Variants in CORIN observed in about 807,000 individuals in gnomAD.
The protein encoded by CORIN is atrial natriuretic peptide-converting enzyme.
CORIN carries 117 observed loss-of-function variants against 125.3 expected under a neutral mutation model. The ratio of observed to expected loss-of-function variants is 0.93; its 90% CI spans 0.80 to 1.09. CORIN has a LOEUF of 1.09. Ranked by LOEUF, CORIN falls within the 50% of genes least tolerant of loss-of-function variation. The pLI is 0.00. For synonymous variants in CORIN, 450 were observed against 466.4 expected, an observed-to-expected ratio of 0.96 and a Z score of 0.45; for missense variants, 1,253 against 1,306.7, an observed-to-expected ratio of 0.96 and a Z score of 0.63.
chr4:47,628,275 A>T (rs1722662273), intron 16 of CORIN, among the ~76,000 whole-genome samples: 1 of 152,138 alleles, frequency 6.6e-6, no homozygotes, highest in Admixed American at 6.5e-5. Context: ...GCATCTCCAT[A>T]ACTTCAATTT....
At chr4:47,836,021 T>C (rs1029545341) in intron 1 of CORIN, among the ~76,000 whole-genome samples, 1 of 152,136 alleles carries the variant, frequency 6.6e-6, no homozygotes, top group Non-Finnish European at 1.5e-5. Context: ...AAAAATGCCT[T>C]ATAGAATCTT....
chr4:47,764,541 G>T (rs563575325), intron 3 of CORIN, among the ~76,000 whole-genome samples: 1 of 151,936 alleles, frequency 6.6e-6, no homozygotes, highest in Non-Finnish European at 1.5e-5. Flanking sequence ...ATTCACAATC[G>T]CCTCAGTTTC....
chr4:47,810,439 G>T (rs1732016990), intron 1 of CORIN, among the ~76,000 whole-genome samples: 1 of 152,214 alleles, frequency 6.6e-6, no homozygotes, highest in Middle Eastern at 3.4e-3. Flanking sequence ...CCCACCTCAA[G>T]CTTCCAAATG....
At chr4:47,713,926 G>A (rs1030131732) in intron 5 of CORIN, among the ~76,000 whole-genome samples, 5 of 151,774 alleles carry the variant, frequency 3.3e-5, no homozygotes, top group African/African-American at 1.2e-4. Flanking sequence ...TATATTCTGA[G>A]TAATTTGGGT....
intron 19 of CORIN, among the ~76,000 whole-genome samples, chr4:47,617,058 A>G (rs564332776): frequency 5.9e-5 from 9 of 152,342 alleles, no homozygotes; most frequent in Non-Finnish European, 1.3e-4. Context: ...AGACAAGGTG[A>G]AAGACATGAT....
At chr4:47,757,868 ATATATATATG>A (rs1372552341) in intron 4 of CORIN, among the ~76,000 whole-genome samples, 1 of 100,928 alleles carries the variant, frequency 9.9e-6, no homozygotes, top group Admixed American at 1.0e-4. Flanking sequence ...ATATATATAC[ATATATATATG>A]TATATATATA....
At chr4:47,665,895 AG>A (rs1724455331) in intron 10 of CORIN, among the ~76,000 whole-genome samples, 1 of 152,214 alleles carries the variant, frequency 6.6e-6, no homozygotes, top group African/African-American at 2.4e-5. Flanking sequence ...TCCAATCAAC[AG>A]TATCTCTGCT....
intron 2 of CORIN, among the ~76,000 whole-genome samples, chr4:47,799,766 G>T (rs1484366163): frequency 2.0e-5 from 3 of 152,148 alleles, no homozygotes; most frequent in African/African-American, 7.2e-5. Flanking sequence ...CCCAAGAGAA[G>T]TGAAAATGTA....
At chr4:47,639,080 C>T (rs1317157) in intron 16 of CORIN, among the ~76,000 whole-genome samples, 1 of 151,894 alleles carries the variant, frequency 6.6e-6, no homozygotes. Context: ...TTGATAAATT[C>T]CCTCCAAAAT....
At chr4:47,701,434 C>T (rs1247421300) in intron 5 of CORIN, among the ~76,000 whole-genome samples, 3 of 152,054 alleles carry the variant, frequency 2.0e-5, no homozygotes, top group Non-Finnish European at 4.4e-5. Flanking sequence ...AAAATAAGAG[C>T]TAAGTATACT....
chr4:47,729,452 G>C (rs755689030), intron 5 of CORIN, among the ~76,000 whole-genome samples: 31 of 152,168 alleles, frequency 2.0e-4, no homozygotes, highest in Admixed American at 3.9e-4. Context: ...ACTGAGGGGA[G>C]ATATCTGGGG....
At chr4:47,720,075 G>A (rs1283964689) in intron 5 of CORIN, among the ~76,000 whole-genome samples, 1 of 152,106 alleles carries the variant, frequency 6.6e-6, no homozygotes, top group African/African-American at 2.4e-5. Context: ...AAATCAACTT[G>A]CATTGCTTTG....
intron 16 of CORIN, among the ~76,000 whole-genome samples, chr4:47,630,657 A>G (rs1046025024): frequency 1.3e-5 from 2 of 152,190 alleles, no homozygotes; most frequent in African/African-American, 4.8e-5. Context: ...AGAAGTTATA[A>G]ATCAAGTTAT....
chr4:47,700,339 C>G lies in CORIN; in HGVS notation c.800-7256G>C, dbSNP rs1726228946. Among the ~76,000 whole-genome samples the G allele has an allele frequency of 3.3e-5, 5 of 152,140 alleles. No individual in the cohort carries two copies. The South Asian group carries it at 1.0e-3, about 31-fold the overall frequency. ...GAGTAAGAAGTGACACCTGGACCCA[C>G]AAATGAGCTCAGAATAGCCCTGCTT... On this transcript the variant is annotated intron_variant, in intron 5 of 21. Coordinates refer to ENST00000273857, the MANE Select transcript of CORIN (RefSeq NM_006587.4).
chr4:47,692,554 TA>T (rs569436476), intron 6 of CORIN, among the ~76,000 whole-genome samples: 73 of 142,742 alleles, frequency 5.1e-4, no homozygotes, highest in African/African-American at 1.4e-3. Context: ...GGAAGAAGCA[TA>T]AAAAAAAAAA....
intron 5 of CORIN, among the ~76,000 whole-genome samples, chr4:47,730,472 CAAAAAAAAA>C (rs71199996): frequency 3.0e-5 from 2 of 66,030 alleles, no homozygotes; most frequent in Non-Finnish European, 6.5e-5. Flanking sequence ...GACTCCATCT[CAAAAAAAAA>C]AAAAAAAAAA....
intron 19 of CORIN, among the ~76,000 whole-genome samples, chr4:47,615,325 A>C (rs931569261): frequency 1.3e-5 from 2 of 152,222 alleles, no homozygotes; most frequent in African/African-American, 4.8e-5. Flanking sequence ...TACATTTTAG[A>C]AAGTTCACTA....
chr4:47,694,147 C>T (rs1725882452), intron 5 of CORIN, among the ~76,000 whole-genome samples: 1 of 152,154 alleles, frequency 6.6e-6, no homozygotes, highest in Non-Finnish European at 1.5e-5. Flanking sequence ...TTGAAAACTA[C>T]ATTGTAGAAA....
At chr4:47,683,980 G>A in intron 6 of CORIN, 142 bp from the exon 7 acceptor site, 1 of 587,046 alleles carries the variant, frequency 1.7e-6, no homozygotes, top group Non-Finnish European at 2.9e-6. Flanking sequence ...GTGAGAAGGT[G>A]GCACACAGAG....
Sources: allele counts gnomAD v4.1 joint callset (sites outside exome capture counted in the v4.1 genomes callset), GRCh38; gene constraint gnomAD v4.1.1; transcripts MANE v1.5; gene names NCBI Gene and HGNC (gene_info 2026-07-23, HGNC 2026-07-21).